Variants in NKAIN2 observed in about 807,000 individuals in gnomAD.
NKAIN2 encodes sodium/potassium transporting ATPase interacting 2, also known as sodium/potassium-transporting ATPase subunit beta-1-interacting protein 2.
A neutral mutation model predicts 32.6 loss-of-function variants in NKAIN2; 14 were observed. The ratio of observed to expected loss-of-function variants is 0.43; its 90% confidence interval spans 0.28 to 0.67. The LOEUF (loss-of-function observed/expected upper bound fraction) is 0.67. Among genes scored for constraint, NKAIN2 ranks in the 30% least tolerant of loss-of-function variants. The pLI is 0.17. For synonymous variants in NKAIN2, 80 were observed against 87.2 expected, an observed-to-expected ratio of 0.92 and a Z score of 0.46; for missense variants, 198 against 258.3, an observed-to-expected ratio of 0.77 and a Z score of 1.60.
chr6:124,359,589 A>G (rs1391678008), intron 3 of NKAIN2, among the ~76,000 whole-genome samples: 28 of 152,142 alleles, frequency 1.8e-4, no homozygotes, highest in Admixed American at 6.5e-5. Context: ...TTATTGGTGT[A>G]TAAGAATGCT....
At chr6:124,788,931 G>A (rs912289892) in intron 4 of NKAIN2, among the ~76,000 whole-genome samples, 1 of 152,004 alleles carries the variant, frequency 6.6e-6, no homozygotes, top group African/African-American at 2.4e-5. Context: ...GGTTAATTTG[G>A]GGGACACAAA....
chr6:124,247,402 A>G (rs1462617382), intron 1 of NKAIN2, among the ~76,000 whole-genome samples: 1 of 152,158 alleles, frequency 6.6e-6, no homozygotes, highest in African/African-American at 2.4e-5. Context: ...TAGTGAAGTG[A>G]AAAAGCTATT....
intron 2 of NKAIN2, among the ~76,000 whole-genome samples, chr6:124,318,095 TG>T (rs1797035798): frequency 6.6e-6 from 1 of 152,082 alleles, no homozygotes; most frequent in African/African-American, 2.4e-5. Flanking sequence ...CCATGTCTTC[TG>T]CTAAAGCCTC....
chr6:124,450,578 G>C lies in NKAIN2; in HGVS notation c.273+95231G>C, dbSNP rs140458427. 2.1e-3 allele frequency among the ~76,000 whole-genome samples: 312 copies of C among 151,526 alleles called. 1 individual carries two copies. Among genetic ancestry groups the C allele is most frequent in the South Asian group, 4.8e-3 (23 of 4,786 alleles). On this transcript the variant is annotated intron_variant, in intron 3 of 6. Coordinates refer to ENST00000368417, the MANE Select transcript of NKAIN2 (RefSeq NM_001040214.3). Reference sequence around the variant, plus strand: ...CAATTTTGTACAGATGGTGATTTTTGTATCAAAAATATATTCTTAACAATA... The same window carrying C: ...CAATTTTGTACAGATGGTGATTTTTCTATCAAAAATATATTCTTAACAATA...
intron 3 of NKAIN2, among the ~76,000 whole-genome samples, chr6:124,628,053 A>G (rs759440530): frequency 6.6e-6 from 1 of 152,184 alleles, no homozygotes; most frequent in East Asian, 1.9e-4. Context: ...TTTCACACAC[A>G]TACACATACA....
chr6:123,968,817 G>A (rs1778207980), intron 1 of NKAIN2, among the ~76,000 whole-genome samples: 1 of 152,146 alleles, frequency 6.6e-6, no homozygotes, highest in African/African-American at 2.4e-5. Flanking sequence ...GTGTAATAAA[G>A]CCTTCAGTGA....
At chr6:124,602,905 T>C (rs1009467284) in intron 3 of NKAIN2, among the ~76,000 whole-genome samples, 4 of 151,940 alleles carry the variant, frequency 2.6e-5, no homozygotes, top group Non-Finnish European at 5.9e-5. Flanking sequence ...CTGCTGAAGA[T>C]ATTTGATCTA....
intron 1 of NKAIN2, among the ~76,000 whole-genome samples, chr6:123,834,812 G>C (rs1774545423): frequency 6.6e-6 from 1 of 151,944 alleles, no homozygotes; most frequent in African/African-American, 2.4e-5. Flanking sequence ...TTTTTTGCGT[G>C]TACTGATATG....
At chr6:124,423,884 AT>A (rs1296397788) in intron 3 of NKAIN2, among the ~76,000 whole-genome samples, 5 of 152,066 alleles carry the variant, frequency 3.3e-5, no homozygotes, top group Non-Finnish European at 4.4e-5. Context: ...GTGACAAATA[AT>A]TTTTTTGTTC....
chr6:124,174,317 A>G (rs1048806045), intron 1 of NKAIN2, among the ~76,000 whole-genome samples: 1 of 152,168 alleles, frequency 6.6e-6, no homozygotes, highest in African/African-American at 2.4e-5. Context: ...GCACCTTTCA[A>G]CTTTACCTGT....
chr6:124,571,665 G>A (rs1477849771), intron 3 of NKAIN2, among the ~76,000 whole-genome samples: 1 of 152,060 alleles, frequency 6.6e-6, no homozygotes, highest in Non-Finnish European at 1.5e-5. Flanking sequence ...CCAGTCTTGG[G>A]TATGTCTTTA....
chr6:124,334,562 C>T (rs1797792416), intron 2 of NKAIN2, among the ~76,000 whole-genome samples: 1 of 151,898 alleles, frequency 6.6e-6, no homozygotes, highest in Admixed American at 6.6e-5. Context: ...GTGGGGGGCA[C>T]TAGAAGACCA....
intron 4 of NKAIN2, among the ~76,000 whole-genome samples, chr6:124,782,023 G>A (rs889895707): frequency 6.6e-6 from 1 of 152,014 alleles, no homozygotes. Flanking sequence ...TGCTTCAGAG[G>A]CACGCTTTAT....
chr6:124,767,612 G>A (rs535127798), intron 4 of NKAIN2, among the ~76,000 whole-genome samples: 1 of 152,068 alleles, frequency 6.6e-6, no homozygotes, highest in South Asian at 2.1e-4. Context: ...GACATTTTGG[G>A]ACCTCATAAG....
At chr6:124,049,831 A>G (rs1315193853) in intron 1 of NKAIN2, among the ~76,000 whole-genome samples, 1 of 151,996 alleles carries the variant, frequency 6.6e-6, no homozygotes, top group African/African-American at 2.4e-5. Flanking sequence ...TTGCACCCAA[A>G]TAAAGGTCCA....
intron 3 of NKAIN2, among the ~76,000 whole-genome samples, chr6:124,486,055 T>A (rs923943729): frequency 2.0e-5 from 3 of 152,224 alleles, no homozygotes; most frequent in African/African-American, 7.2e-5. Flanking sequence ...CAATTTGCAT[T>A]ATTGATGTTA....
intron 3 of NKAIN2, among the ~76,000 whole-genome samples, chr6:124,456,913 G>A (rs755915199): frequency 6.6e-6 from 1 of 151,712 alleles, no homozygotes; most frequent in Non-Finnish European, 1.5e-5. Flanking sequence ...TGATTCTTGG[G>A]CCCTTAATTG....
chr6:123,860,880 G>T (rs1247128722), intron 1 of NKAIN2, among the ~76,000 whole-genome samples: 1 of 152,184 alleles, frequency 6.6e-6, no homozygotes, highest in African/African-American at 2.4e-5. Flanking sequence ...GCCCCTTTGA[G>T]AAAGCCTACC....
intron 1 of NKAIN2, among the ~76,000 whole-genome samples, chr6:124,190,959 C>A (rs1403889682): frequency 6.6e-6 from 1 of 152,132 alleles, no homozygotes; most frequent in Non-Finnish European, 1.5e-5. Flanking sequence ...CCTCCCCCAC[C>A]ATCAATATTC....
Sources: gnomAD v4.1 joint callset for allele counts (sites outside exome capture counted in the v4.1 genomes callset) on GRCh38, gnomAD v4.1.1 for gene constraint, MANE v1.5 for transcripts, NCBI Gene and HGNC (gene_info 2026-07-23, HGNC 2026-07-21) for gene names.